EMC2: variants seen among roughly 807,000 people sequenced by gnomAD.
EMC2 encodes ER membrane protein complex subunit 2, also known as TPR repeat protein 35.
EMC2 carries 37 observed loss-of-function variants against 51.6 expected under a neutral mutation model. The ratio of observed to expected loss-of-function variants is 0.72; its 90% CI spans 0.55 to 0.94. EMC2 has a LOEUF of 0.94. Among genes scored for constraint, EMC2 ranks in the 40% least tolerant of loss-of-function variants. The pLI is 0.00. For synonymous variants in EMC2, 131 were observed against 112.4 expected, an observed-to-expected ratio of 1.17 and a Z score of -1.04; for missense variants, 359 against 350.9, an observed-to-expected ratio of 1.02 and a Z score of -0.18.
chr8:108,455,256 T>C (rs1055490187), intron 4 of EMC2, among the ~76,000 whole-genome samples: 1 of 152,146 alleles, frequency 6.6e-6, no homozygotes, highest in African/African-American at 2.4e-5. Flanking sequence ...ATTTTTCTCT[T>C]TTTATTTCAA....
At chr8:108,446,000 T>A (rs10112460) in intron 1 of EMC2, among the ~76,000 whole-genome samples, 78,515 of 151,944 alleles carry the variant, frequency 0.52, 20,674 homozygotes, top group Middle Eastern at 0.61. Flanking sequence ...CAAAAGCTCC[T>A]CCTTTCTCCC....
intron 8 of EMC2, 21 bp from the exon 9 acceptor site, chr8:108,476,761 G>A: frequency 9.4e-7 from 1 of 1,063,986 alleles, no homozygotes; most frequent in Non-Finnish European, 1.5e-6. Flanking sequence ...ACAGTTTTCA[G>A]CACTTTGCAA....
chr8:108,455,962 A>G lies in EMC2; in HGVS notation c.363+32A>G, dbSNP rs776233265. On this transcript the variant is annotated intron_variant, in intron 5 of 10. Transcript: ENST00000220853. ...TGGCAGATTGTCTTGAAAAAAATCT[A>G]AAGTTTAATTTAAAAGATAAAATTA... 40 of 1,047,980 alleles carry G rather than the reference A, an allele frequency of 3.8e-5. 1 individual carries two copies. The highest frequency in any genetic ancestry group is 5.0e-5 in the Non-Finnish European group (37 of 734,156). 64.9% of individuals were successfully genotyped at this position (1,047,980 alleles called of 1,614,324 possible). A position where few individuals can be genotyped will look rare whatever the true frequency, so the allele number is the denominator to read the frequency against.
intron 4 of EMC2, 24 bp downstream of exon 4, chr8:108,453,171 A>G (rs371518116): frequency 5.0e-5 from 71 of 1,418,426 alleles, no homozygotes; most frequent in Middle Eastern, 1.8e-4. Flanking sequence ...ATCAGCTGGC[A>G]GGCATGGAGC....
chr8:108,450,655 T>A (rs574131558), intron 3 of EMC2, among the ~76,000 whole-genome samples, 163 bp downstream of exon 3: 1 of 152,214 alleles, frequency 6.6e-6, no homozygotes, highest in Non-Finnish European at 1.5e-5. Context: ...AAGTATCTTA[T>A]ATCTTTTTAT....
At chr8:108,456,348 G>GAAAAAAAAA (rs1212130981) in intron 5 of EMC2, among the ~76,000 whole-genome samples, 1 of 45,034 alleles carries the variant, frequency 2.2e-5, no homozygotes, top group Admixed American at 2.7e-4. Context: ...AAAAAAAAAA[G>GAAAAAAAAA]AAAAAAAAAA....
At chr8:108,458,392 C>A (rs567024407) in intron 5 of EMC2, among the ~76,000 whole-genome samples, 4 of 152,352 alleles carry the variant, frequency 2.6e-5, no homozygotes, top group African/African-American at 9.6e-5. Context: ...CCATACTACC[C>A]TAGCAGAGGT....
intron 5 of EMC2, among the ~76,000 whole-genome samples, chr8:108,464,524 A>G (rs1051823340): frequency 5.3e-5 from 8 of 152,130 alleles, no homozygotes; most frequent in Non-Finnish European, 1.5e-5. Context: ...AGATCCATTC[A>G]AGCTCCTGTT....
At chr8:108,465,462 A>G (rs1403439134) in intron 5 of EMC2, among the ~76,000 whole-genome samples, 3 of 152,240 alleles carry the variant, frequency 2.0e-5, no homozygotes, top group Admixed American at 6.5e-5. Context: ...AAGAATGTGA[A>G]TTCTCTGAAG....
Position 108,443,633 on chromosome 8 carries a change from C to G in EMC2, c.-26C>G, listed in dbSNP as rs557057963. On this transcript the variant is annotated 5_prime_UTR_variant, in exon 1 of 11. Coordinates refer to ENST00000220853, the MANE Select transcript of EMC2 (RefSeq NM_014673.5). Reference sequence around the variant, plus strand: ...GTGACTGCGTCTCCCCGCCCTCTCACCCCGCTGCCTCTAGGTTCTGGGAAG... The same window carrying G: ...GTGACTGCGTCTCCCCGCCCTCTCAGCCCGCTGCCTCTAGGTTCTGGGAAG... The G allele has an allele frequency of 5.6e-6, 9 of 1,601,588 alleles. No individual in the cohort carries two copies. Among genetic ancestry groups the G allele is most frequent in the African/African-American group, 1.3e-5 (1 of 74,778 alleles).
At chr8:108,455,823 C>A in intron 4 of EMC2, 50 bp from the exon 5 acceptor site, 1 of 654,678 alleles carries the variant, frequency 1.5e-6, no homozygotes, top group South Asian at 2.1e-5. Flanking sequence ...CTATTTATCA[C>A]TATATTTTTA....
chr8:108,445,763 C>T (rs964310569), intron 1 of EMC2, among the ~76,000 whole-genome samples: 1 of 152,240 alleles, frequency 6.6e-6, no homozygotes, highest in Non-Finnish European at 1.5e-5. Flanking sequence ...TTCACTGTCA[C>T]TTCCCTAGAG....
chr8:108,470,248 C>T (rs1810827299), intron 7 of EMC2, 127 bp downstream of exon 7: 1 of 624,674 alleles, frequency 1.6e-6, no homozygotes, highest in Non-Finnish European at 2.8e-6. Context: ...AGAAACAGAA[C>T]AAATCAACAA....
chr8:108,449,103 C>A (rs1459793874), intron 1 of EMC2, among the ~76,000 whole-genome samples: 1 of 152,092 alleles, frequency 6.6e-6, no homozygotes, highest in African/African-American at 2.4e-5. Flanking sequence ...TTGTTATATG[C>A]CTGTTGAACT....
chr8:108,459,721 A>AGAGAGT (rs763020311), intron 5 of EMC2, among the ~76,000 whole-genome samples: 4,270 of 136,780 alleles, frequency 0.031, 81 homozygotes, highest in Non-Finnish European at 0.038. Flanking sequence ...AGAGAGAGAG[A>AGAGAGT]GTGTGTGTGT....
intron 1 of EMC2, among the ~76,000 whole-genome samples, chr8:108,448,149 T>C (rs1818925568): frequency 6.6e-6 from 1 of 152,140 alleles, no homozygotes; most frequent in Admixed American, 6.5e-5. Flanking sequence ...ATCCAAACTA[T>C]TGTACGAACC....
chr8:108,464,390 C>T (rs1819414178), intron 5 of EMC2, among the ~76,000 whole-genome samples: 1 of 152,178 alleles, frequency 6.6e-6, no homozygotes, highest in Non-Finnish European at 1.5e-5. Flanking sequence ...CTGCTTGTGC[C>T]CATTGGACTC....
intron 5 of EMC2, among the ~76,000 whole-genome samples, chr8:108,468,979 A>G (rs1045204591): frequency 2.6e-5 from 4 of 152,078 alleles, no homozygotes; most frequent in Non-Finnish European, 5.9e-5. Context: ...CAGTACACGT[A>G]TCATATGTGG....
chr8:108,443,730 C>G (rs747739372), intron 1 of EMC2, 32 bp downstream of exon 1: 88 of 1,590,598 alleles, frequency 5.5e-5, no homozygotes, highest in Non-Finnish European at 5.0e-5. Context: ...TGCGGAAAGA[C>G]TAAAAGCGCT....
Sources: gnomAD v4.1 joint callset for allele counts (sites outside exome capture counted in the v4.1 genomes callset) on GRCh38, gnomAD v4.1.1 for gene constraint, MANE v1.5 for transcripts, NCBI Gene and HGNC (gene_info 2026-07-23, HGNC 2026-07-21) for gene names.